The following DLGAP2 variants were observed in gnomAD, a reference collection of about 807,000 sequenced individuals.
DLGAP2 encodes the protein disks large-associated protein 2.
Under a neutral mutation model 100.3 loss-of-function variants are expected in DLGAP2, and 26 were observed. The ratio of observed to expected loss-of-function variants is 0.26; its 90% confidence interval spans 0.19 to 0.36. The LOEUF is 0.36. Among genes scored for constraint, DLGAP2 ranks in the 10% least tolerant of loss-of-function variants. DLGAP2 has a pLI of 1.00. For missense variants in DLGAP2, 1,858 were observed against 1,453.2 expected (o/e 1.28, Z -4.53); for synonymous variants, 886 against 630.1 (o/e 1.41, Z -6.08).
intron 2 of DLGAP2, among the ~76,000 whole-genome samples, chr8:1,117,841 A>C (rs1322606693): frequency 1.3e-5 from 2 of 152,096 alleles, no homozygotes; most frequent in Non-Finnish European, 2.9e-5. Context: ...CACAGTGGGC[A>C]GCACTGGTTC....
intron 3 of DLGAP2, among the ~76,000 whole-genome samples, chr8:1,491,244 T>G (rs1258453944): frequency 6.6e-6 from 1 of 152,124 alleles, no homozygotes; most frequent in Non-Finnish European, 1.5e-5. Flanking sequence ...CACATGTAAC[T>G]GGCGTCCCAG....
In DLGAP2 at chr8:1,614,645, G is replaced by A. The variant is rs112198184; in HGVS notation, c.1443-12095G>A. On this transcript the variant is annotated intron_variant, in intron 6 of 14. Transcript: ENST00000637795. ...ACAGCCTCTGCCTCTGCAGTGCTGG[G>A]CTCCCCAAACCAACAACTACAGCAG... 1.6e-3 allele frequency among the ~76,000 whole-genome samples: 240 copies of A among 152,354 alleles called. 1 individual carries two copies. The highest frequency in any genetic ancestry group is 5.4e-3 in the African/African-American group (223 of 41,588).
chr8:1,435,397 G>C (rs1036364343), intron 3 of DLGAP2, among the ~76,000 whole-genome samples: 4 of 152,132 alleles, frequency 2.6e-5, no homozygotes, highest in Admixed American at 2.6e-4. Context: ...GTGCAGCGGT[G>C]GCCCTGTAAG....
intron 2 of DLGAP2, among the ~76,000 whole-genome samples, chr8:1,146,610 C>T (rs1316499719): frequency 1.3e-5 from 2 of 152,154 alleles, no homozygotes; most frequent in Non-Finnish European, 1.5e-5. Context: ...CATGTGTGTG[C>T]ATGCACGTGT....
rs75703513 is a variant in DLGAP2, at chr8:1,527,581, A to C, written c.173-21045A>C. Among the ~76,000 whole-genome samples, 83 of 152,366 alleles carry C rather than the reference A, an allele frequency of 5.4e-4. No individual in the cohort carries two copies. The East Asian group carries it at 7.5e-3, about 14-fold the overall frequency. ...AAATTCCAGTGCATTTCTGAGAGTG[A>C]GAAAAGTTTCTATTTTTCCTAAGGA... On this transcript the variant is annotated intron_variant, in intron 4 of 14. Transcript: ENST00000637795.
At chr8:1,237,658 G>A (rs1427679532) in intron 2 of DLGAP2, among the ~76,000 whole-genome samples, 1 of 21,902 alleles carries the variant, frequency 4.6e-5, no homozygotes, top group Non-Finnish European at 1.2e-4. Context: ...CTCACACATA[G>A]CGTCATGTCT....
chr8:1,192,072 T>C (rs927811061), intron 2 of DLGAP2, among the ~76,000 whole-genome samples: 1 of 152,092 alleles, frequency 6.6e-6, no homozygotes, highest in African/African-American at 2.4e-5. Context: ...CTCTCTGAGA[T>C]GGATTTGAGG....
intron 2 of DLGAP2, among the ~76,000 whole-genome samples, chr8:1,200,518 G>C (rs1401204421): frequency 6.6e-6 from 1 of 152,174 alleles, no homozygotes. Context: ...GGGCCTGGAT[G>C]CTGATTGTTC....
At chr8:1,044,524 G>A (rs1585008948) in intron 2 of DLGAP2, among the ~76,000 whole-genome samples, 3 of 152,210 alleles carry the variant, frequency 2.0e-5, no homozygotes, top group East Asian at 3.9e-4. Flanking sequence ...CATTTGCTTT[G>A]CCAGTTTGGG....
At chr8:840,556 C>T (rs1337027476) in intron 1 of DLGAP2, among the ~76,000 whole-genome samples, 185 of 54,664 alleles carry the variant, frequency 3.4e-3, no homozygotes, top group Middle Eastern at 0.015. Context: ...CTGGATTCTG[C>T]GAGCGCGTCC....
intron 9 of DLGAP2, among the ~76,000 whole-genome samples, chr8:1,669,476 G>C (rs1453688258): frequency 2.6e-5 from 4 of 152,244 alleles, no homozygotes; most frequent in African/African-American, 9.6e-5. Flanking sequence ...TGGTTGAGCA[G>C]GGCTGGCCGT....
At chr8:1,675,647 G>C (rs1328859063) in intron 10 of DLGAP2, among the ~76,000 whole-genome samples, 4 of 152,154 alleles carry the variant, frequency 2.6e-5, no homozygotes, top group African/African-American at 9.7e-5. Flanking sequence ...GTAGTGATCA[G>C]TAATATTTTT....
chr8:977,724 A>AG (rs66548958), intron 2 of DLGAP2, among the ~76,000 whole-genome samples: 32,095 of 112,446 alleles, frequency 0.29, 4,318 homozygotes, highest in Admixed American at 0.41. Flanking sequence ...TAATGTGGGG[A>AG]GGGCGTCGGG....
At chr8:967,961 A>G (rs1022494774) in intron 2 of DLGAP2, among the ~76,000 whole-genome samples, 6 of 147,362 alleles carry the variant, frequency 4.1e-5, no homozygotes, top group East Asian at 2.1e-4. Flanking sequence ...TTACGTCAGT[A>G]TCTTCACTGT....
chr8:1,661,865 A>G (rs1798416345), intron 8 of DLGAP2, among the ~76,000 whole-genome samples: 1 of 152,250 alleles, frequency 6.6e-6, no homozygotes, highest in Non-Finnish European at 1.5e-5. Context: ...AGCCGGTGTC[A>G]TCACCATCAC....
At chr8:837,638 C>T (rs939110799) in intron 1 of DLGAP2, among the ~76,000 whole-genome samples, 16 of 150,618 alleles carry the variant, frequency 1.1e-4, no homozygotes, top group African/African-American at 3.7e-4. Flanking sequence ...CTGTGTTGGG[C>T]GCCTTGTAGA....
intron 3 of DLGAP2, among the ~76,000 whole-genome samples, chr8:1,470,541 C>T (rs1030648140): frequency 2.6e-5 from 4 of 152,140 alleles, no homozygotes; most frequent in Admixed American, 6.5e-5. Flanking sequence ...CAGTCACACG[C>T]AGAAGCACAT....
chr8:1,075,614 G>C (rs1055737029), intron 2 of DLGAP2, among the ~76,000 whole-genome samples: 1 of 152,200 alleles, frequency 6.6e-6, no homozygotes, highest in Non-Finnish European at 1.5e-5. Flanking sequence ...CACTGGTTGA[G>C]GTCTTTGTAT....
At chr8:1,176,371 A>G (rs1336514581) in intron 2 of DLGAP2, among the ~76,000 whole-genome samples, 1 of 152,070 alleles carries the variant, frequency 6.6e-6, no homozygotes. Context: ...TTGGGTGGGG[A>G]CACAGAGCCA....
Sources: gnomAD v4.1 joint callset for allele counts (sites outside exome capture counted in the v4.1 genomes callset) on GRCh38, gnomAD v4.1.1 for gene constraint, MANE v1.5 for transcripts, NCBI Gene and HGNC (gene_info 2026-07-23, HGNC 2026-07-21) for gene names.